The following PCYT1B variants were observed in gnomAD, a reference collection of about 807,000 sequenced individuals.
The protein encoded by PCYT1B is choline-phosphate cytidylyltransferase B.
In PCYT1B, 10 loss-of-function variants were observed where a neutral mutation model predicts 26.4. The observed-to-expected ratio is 0.38, with a 90% CI of 0.23 to 0.64. PCYT1B has a LOEUF of 0.64. Ranked by LOEUF, PCYT1B falls within the 30% of genes least tolerant of loss-of-function variation. PCYT1B has a pLI of 0.56. For missense variants in PCYT1B, 161 were observed against 292.7 expected (o/e 0.55, Z 3.28); for synonymous variants, 131 against 108.4 (o/e 1.21, Z -1.29).
In PCYT1B at chrX:24,562,374, G is replaced by C. The variant is rs986490731; in HGVS notation, c.1029C>G (p.Leu343=). Residue 343 remains leucine (L), a synonymous_variant, in exon 8 of 8, where the codon CTC becomes CTG. Transcript: ENST00000379144. The part of the protein sequence containing the change: ...SPSPTFSWLP[L]KTSPPSSPKA... ...TGGGTGAGGAAGGGGGTGAGGTTTT[G>C]AGTGGAAGCCATGAGAAGGTGGGCG... 4 of 1,182,810 alleles carry C rather than the reference G, an allele frequency of 3.4e-6. No individual in the cohort carries two copies. The highest frequency in any genetic ancestry group is 4.5e-6 in the Non-Finnish European group (4 of 881,864).
At chrX:24,603,615 T>A (rs1422515196) in intron 3 of PCYT1B, among the ~76,000 whole-genome samples, 1 of 109,782 alleles carries the variant, frequency 9.1e-6, no homozygotes, top group Non-Finnish European at 1.9e-5. Flanking sequence ...CCCAGCTACT[T>A]GGGAGGCTAA....
intron 6 of PCYT1B, among the ~76,000 whole-genome samples, chrX:24,578,555 A>G (rs1176002528): frequency 8.9e-6 from 1 of 112,553 alleles, no homozygotes; most frequent in Non-Finnish European, 1.9e-5. Flanking sequence ...CTACAAAAGG[A>G]AGCCAAAGAC....
intron 2 of PCYT1B, among the ~76,000 whole-genome samples, chrX:24,611,738 G>A (rs1602179483): frequency 9.0e-6 from 1 of 111,108 alleles, no homozygotes; most frequent in East Asian, 2.8e-4. Flanking sequence ...TTGGGAGGCC[G>A]AGGTGGGTGG....
At chrX:24,630,110 T>A (rs1926020177) in intron 1 of PCYT1B, among the ~76,000 whole-genome samples, 1 of 111,504 alleles carries the variant, frequency 9.0e-6, no homozygotes, top group Non-Finnish European at 1.9e-5. Context: ...TTCTAAATAA[T>A]TTTTTCTTAG....
chrX:24,642,684 T>C (rs1926503268), intron 1 of PCYT1B, among the ~76,000 whole-genome samples: 1 of 112,103 alleles, frequency 8.9e-6, no homozygotes, highest in Non-Finnish European at 1.9e-5. Flanking sequence ...AGAATTCCAG[T>C]TGACCACAGT....
intron 3 of PCYT1B, among the ~76,000 whole-genome samples, chrX:24,603,921 A>G (rs1248444125): frequency 9.0e-6 from 1 of 111,077 alleles, no homozygotes; most frequent in Non-Finnish European, 1.9e-5. Flanking sequence ...AGAGGCATTC[A>G]CCATTTGGGA....
chrX:24,633,229 A>AAAAAAAAC, intron 1 of PCYT1B, among the ~76,000 whole-genome samples: 1 of 107,757 alleles, frequency 9.3e-6, no homozygotes. Flanking sequence ...AAAAAAAAAA[A>AAAAAAAAC]AAAAGCTAGA....
chrX:24,656,551 C>CTTTTTTT (rs1179469896), intron 1 of PCYT1B, among the ~76,000 whole-genome samples: 37 of 56,623 alleles, frequency 6.5e-4, no homozygotes, highest in Non-Finnish European at 8.8e-4. Flanking sequence ...TCTTTTTTTC[C>CTTTTTTT]TTTTTTTTTT....
chrX:24,597,796 C>T (rs1259215442), intron 3 of PCYT1B, among the ~76,000 whole-genome samples: 1 of 112,347 alleles, frequency 8.9e-6, no homozygotes, highest in East Asian at 2.8e-4. Context: ...TGCCCAACAA[C>T]TTTGCCTCTT....
chrX:24,633,256 G>A (rs1272889919), intron 1 of PCYT1B, among the ~76,000 whole-genome samples: 2 of 99,004 alleles, frequency 2.0e-5, no homozygotes, highest in African/African-American at 7.3e-5. Flanking sequence ...GATTTGAAAT[G>A]TTCTCAATAC....
At chrX:24,578,444 A>G (rs1924095263) in intron 6 of PCYT1B, among the ~76,000 whole-genome samples, 1 of 111,697 alleles carries the variant, frequency 9.0e-6, no homozygotes, top group Non-Finnish European at 1.9e-5. Context: ...CTATGTAACA[A>G]ACCTGCATGT....
At chrX:24,620,089 C>A (rs187261864) in intron 1 of PCYT1B, among the ~76,000 whole-genome samples, 2 of 112,348 alleles carry the variant, frequency 1.8e-5, no homozygotes, top group East Asian at 5.6e-4. Flanking sequence ...TCAATTGTTT[C>A]TTAGAGATGG....
intron 1 of PCYT1B, among the ~76,000 whole-genome samples, chrX:24,619,553 C>T (rs756946848): frequency 4.5e-5 from 5 of 111,997 alleles, no homozygotes; most frequent in Non-Finnish European, 9.4e-5. Flanking sequence ...AACATTTAGA[C>T]TCACCCACAC....
At chrX:24,571,983 T>A (rs1923843896) in intron 7 of PCYT1B, among the ~76,000 whole-genome samples, 1 of 110,760 alleles carries the variant, frequency 9.0e-6, no homozygotes, top group Non-Finnish European at 1.9e-5. Flanking sequence ...AATTCAAATA[T>A]TCCCTGGGGC....
intron 2 of PCYT1B, among the ~76,000 whole-genome samples, chrX:24,616,943 G>A (rs1217593940): frequency 8.9e-6 from 1 of 112,105 alleles, no homozygotes; most frequent in Non-Finnish European, 1.9e-5. Flanking sequence ...ATAGGTTTGA[G>A]ACCAAATCCC....
At chrX:24,600,204 G>A (rs1341729854) in intron 3 of PCYT1B, among the ~76,000 whole-genome samples, 1 of 111,365 alleles carries the variant, frequency 9.0e-6, no homozygotes, top group Non-Finnish European at 1.9e-5. Context: ...ATTGCGCCTG[G>A]CCCATAATTT....
chrX:24,611,925 A>G (rs1208639574), intron 2 of PCYT1B, among the ~76,000 whole-genome samples: 1 of 110,454 alleles, frequency 9.1e-6, no homozygotes, highest in Admixed American at 9.7e-5. Context: ...GTGAGCCGAG[A>G]TCACACCACT....
chrX:24,615,289 C>T (rs149254002), intron 2 of PCYT1B, among the ~76,000 whole-genome samples: 1,940 of 111,046 alleles, frequency 0.017, 25 homozygotes, highest in Non-Finnish European at 0.027. Flanking sequence ...CTCACTCCCC[C>T]TCTAATGACC....
chrX:24,647,353 G>A, upstream of PCYT1B: 1 of 854,800 alleles, frequency 1.2e-6, no homozygotes, highest in Non-Finnish European at 1.5e-6. Context: ...ACACTGAAGC[G>A]GCTGGTGCGG....
Sources: allele counts gnomAD v4.1 joint callset (sites outside exome capture counted in the v4.1 genomes callset), GRCh38; gene constraint gnomAD v4.1.1; transcripts MANE v1.5; gene names NCBI Gene and HGNC (gene_info 2026-07-23, HGNC 2026-07-21).